SPTBN1: variants seen among roughly 807,000 people sequenced by gnomAD.
The protein encoded by SPTBN1 is spectrin beta chain, non-erythrocytic 1.
SPTBN1 carries 32 observed loss-of-function variants against 266.4 expected under a neutral mutation model. The observed-to-expected ratio is 0.12, with a 90% confidence interval of 0.09 to 0.16. The LOEUF is 0.16. Ranked by LOEUF, SPTBN1 falls within the 10% of genes least tolerant of loss-of-function variation. The probability of loss-of-function intolerance (pLI) is 1.00; values close to 1 mark genes in which losing one functional copy is unlikely to be tolerated. For synonymous variants in SPTBN1, 1,336 were observed against 1,162.2 expected, an observed-to-expected ratio of 1.15 and a Z score of -3.04; for missense variants, 2,296 against 3,067.1, an observed-to-expected ratio of 0.75 and a Z score of 5.94.
In SPTBN1 at chr2:54,611,924, T is replaced by C. The variant is rs150049294; in HGVS notation, c.301-237T>C. 2.9e-3 allele frequency among the ~76,000 whole-genome samples: 435 copies of C among 152,352 alleles called. 2 individuals carry two copies. Among genetic ancestry groups the C allele is most frequent in the African/African-American group, 9.9e-3 (410 of 41,578 alleles). On this transcript the variant is annotated intron_variant, in intron 3 of 35. Coordinates refer to ENST00000356805, the MANE Select transcript of SPTBN1 (RefSeq NM_003128.3). The stretch of plus-strand genomic sequence containing the variant: ...TAAACAAATGCTCATTTGTAAACTA[T>C]ATAGCTCCACAACTATTCTCTAAAG...
intron 2 of SPTBN1, among the ~76,000 whole-genome samples, chr2:54,595,922 G>A (rs6735962): frequency 3.3e-5 from 5 of 152,120 alleles, no homozygotes; most frequent in South Asian, 2.1e-4. Context: ...TAAATGTGCC[G>A]AGGAATCAAA....
intron 1 of SPTBN1, among the ~76,000 whole-genome samples, chr2:54,477,265 G>T (rs1258183339): frequency 1.3e-5 from 2 of 152,124 alleles, no homozygotes; most frequent in East Asian, 3.9e-4. Context: ...ACTTAAAATG[G>T]CTGTAAACTT....
intron 2 of SPTBN1, chr2:54,535,213 A>C (rs1185314304): frequency 6.6e-6 from 1 of 152,268 alleles, no homozygotes; most frequent in Non-Finnish European, 1.5e-5. Flanking sequence ...GTCTGCATAC[A>C]TGTTCTCTCA....
intron 6 of SPTBN1, 80 bp downstream of exon 6, chr2:54,617,768 A>G (rs1485772043): frequency 1.5e-5 from 22 of 1,435,446 alleles, no homozygotes; most frequent in African/African-American, 5.6e-5. Context: ...TGACTTTTCC[A>G]TATCCGTTGG....
intron 2 of SPTBN1, among the ~76,000 whole-genome samples, chr2:54,563,340 C>T (rs1450791708): frequency 2.0e-5 from 3 of 152,082 alleles, no homozygotes; most frequent in Admixed American, 6.5e-5. Flanking sequence ...GCTGACACTC[C>T]GCATCTGATC....
intron 7 of SPTBN1, among the ~76,000 whole-genome samples, chr2:54,619,226 C>G (rs1677834955): frequency 6.6e-6 from 1 of 152,228 alleles, no homozygotes; most frequent in Non-Finnish European, 1.5e-5. Context: ...GCATCAGATT[C>G]ACTGATATGT....
rs907195586 is a variant in SPTBN1 at position 54,669,418 on chromosome 2, C to A, written c.*849C>A. On this transcript the variant is annotated 3_prime_UTR_variant, in exon 36 of 36. Coordinates refer to ENST00000356805, the MANE Select transcript of SPTBN1 (RefSeq NM_003128.3). ...CTAATGGTTACTTGCTCGTGCGTTG[C>A]CACACTGTGTTATAATTTGCTTCAT... 2.6e-5 allele frequency: 4 copies of A among 152,606 alleles called. No homozygotes were observed. The highest frequency in any genetic ancestry group is 7.2e-5 in the African/African-American group (3 of 41,438). The allele number at this position is 152,606 out of a possible 1,614,324, so 9.5% of individuals were successfully genotyped here.
chr2:54,513,302 T>G (rs73932787), intron 1 of SPTBN1, among the ~76,000 whole-genome samples: 10,223 of 152,250 alleles, frequency 0.067, 452 homozygotes, highest in African/African-American at 0.12. Context: ...AGTGTTGGTT[T>G]TCAGTGTAGT....
Position 54,630,982 on chromosome 2 carries a change from G to C in SPTBN1, c.2935G>C (p.Glu979Gln). ...SWIREKTKVIESTQDLGNDLA... is the reference protein window; with the variant it reads ...SWIREKTKVIQSTQDLGNDLA... ...GATTCGGGAAAAGACCAAGGTCATCGAGTCCACCCAGGACCTGGGCAATGA... is the reference window on the plus strand; with the variant it reads ...GATTCGGGAAAAGACCAAGGTCATCCAGTCCACCCAGGACCTGGGCAATGA... The change falls in exon 16 of 36, where the codon GAG becomes CAG. Residue 979 changes from glutamate to glutamine, a missense_variant. Physicochemically the swap from Glu to Gln is conservative, Grantham distance 29. Transcript: ENST00000356805. 1.2e-6 allele frequency: 2 copies of C among 1,614,136 alleles called. No homozygotes were observed. The highest frequency in any genetic ancestry group is 1.1e-5 in the South Asian group (1 of 91,084).
chr2:54,585,660 G>T (rs1285370044), intron 2 of SPTBN1, among the ~76,000 whole-genome samples: 5 of 152,206 alleles, frequency 3.3e-5, no homozygotes, highest in African/African-American at 2.4e-5. Context: ...AGTATCAATT[G>T]TCTAATGCTG....
chr2:54,530,034 C>G (rs1558810516), intron 2 of SPTBN1, among the ~76,000 whole-genome samples: 1 of 152,142 alleles, frequency 6.6e-6, no homozygotes, highest in East Asian at 1.9e-4. Context: ...CATGCATGTT[C>G]TAAAGCGAGA....
At chr2:54,630,816 T>G (rs762209667) in intron 15 of SPTBN1, 39 bp from the exon 16 acceptor site, 2 of 1,528,126 alleles carry the variant, frequency 1.3e-6, no homozygotes, top group South Asian at 2.6e-5. Context: ...TGGTCAGTCT[T>G]CCCTTTTTCA....
At position 54,623,556 on chromosome 2, in the gene SPTBN1, A is replaced by G. The variant is rs775898205; in HGVS notation, c.1142A>G (p.Tyr381Cys). The G allele has an allele frequency of 2.5e-6, 4 of 1,614,082 alleles. No individual in the cohort carries two copies. Among genetic ancestry groups the G allele is most frequent in the Admixed American group, 1.7e-5 (1 of 60,006 alleles). ...ATGAGGGCCAACAACCAGAAGGTCTACATGCCCCGGGAGGGGAAGCTCATC... is the reference window on the plus strand; with the variant it reads ...ATGAGGGCCAACAACCAGAAGGTCTGCATGCCCCGGGAGGGGAAGCTCATC... ...SKMRANNQKV[Y>C]MPREGKLISD... is the part of the protein sequence containing the mutation. Residue 381 changes from tyrosine to cysteine, a missense_variant, in exon 10 of 36, where the codon TAC (tyrosine) becomes TGC (cysteine). Tyr to Cys is a radical substitution (Grantham distance 194). Transcript: ENST00000356805.
chr2:54,456,952 G>T (rs1049458932), intron 1 of SPTBN1, among the ~76,000 whole-genome samples: 35 of 136,790 alleles, frequency 2.6e-4, no homozygotes, highest in Admixed American at 1.1e-3. Context: ...GACAGCCGGA[G>T]GGTCTATTTT....
intron 1 of SPTBN1, among the ~76,000 whole-genome samples, chr2:54,492,692 C>T (rs1045058033): frequency 2.6e-5 from 4 of 152,144 alleles, no homozygotes; most frequent in East Asian, 1.9e-4. Flanking sequence ...CACATGGACA[C>T]GTCTCTTATG....
intron 1 of SPTBN1, among the ~76,000 whole-genome samples, chr2:54,522,653 A>G (rs1434161523): frequency 9.5e-5 from 4 of 42,166 alleles, no homozygotes; most frequent in Non-Finnish European, 1.7e-4. Flanking sequence ...AGAAAGAGAG[A>G]GAGAAAGAGA....
At chr2:54,531,575 C>A (rs1671241485) in intron 2 of SPTBN1, among the ~76,000 whole-genome samples, 1 of 151,712 alleles carries the variant, frequency 6.6e-6, no homozygotes, top group African/African-American at 2.4e-5. Context: ...AAGTGTGTGC[C>A]ACAAAGCCTG....
At chr2:54,618,254 T>G in intron 7 of SPTBN1, 61 bp downstream of exon 7, 2 of 1,376,630 alleles carry the variant, frequency 1.5e-6, no homozygotes, top group Non-Finnish European at 2.0e-6. Context: ...GGTGTTAATG[T>G]AAAATCTGTT....
chr2:54,623,319 G>A (rs536286194), intron 9 of SPTBN1, among the ~76,000 whole-genome samples, 160 bp from the exon 10 acceptor site: 3 of 152,294 alleles, frequency 2.0e-5, no homozygotes, highest in Non-Finnish European at 1.5e-5. Flanking sequence ...CCACGGTTTG[G>A]TATGTTTCAA....
Sources: gnomAD v4.1 joint callset for allele counts (sites outside exome capture counted in the v4.1 genomes callset) on GRCh38, gnomAD v4.1.1 for gene constraint, MANE v1.5 for transcripts, NCBI Gene and HGNC (gene_info 2026-07-23, HGNC 2026-07-21) for gene names.